Variants in MARK1 observed in about 807,000 individuals in gnomAD.
The protein encoded by MARK1 is serine/threonine-protein kinase MARK1.
MARK1 carries 40 observed loss-of-function variants against 96.3 expected under a neutral mutation model. The observed-to-expected ratio is 0.42, with a 90% confidence interval of 0.32 to 0.54. MARK1 has a LOEUF of 0.54. Among genes scored for constraint, MARK1 ranks in the 20% least tolerant of loss-of-function variants. The probability of loss-of-function intolerance (pLI) is 0.16; values close to 1 mark genes in which losing one functional copy is unlikely to be tolerated. For missense variants in MARK1, 719 were observed against 984.6 expected, an observed-to-expected ratio of 0.73 and a Z score of 3.61; for synonymous variants, 317 against 341.2, an observed-to-expected ratio of 0.93 and a Z score of 0.78.
intron 9 of MARK1, among the ~76,000 whole-genome samples, chr1:220,629,855 G>A (rs1010725999): frequency 6.6e-6 from 1 of 152,058 alleles, no homozygotes; most frequent in African/African-American, 2.4e-5. Context: ...TTTGTCAATG[G>A]ACATTTAGGT....
At chr1:220,589,639 A>T (rs1195328569) in intron 3 of MARK1, among the ~76,000 whole-genome samples, 2 of 152,194 alleles carry the variant, frequency 1.3e-5, no homozygotes, top group Non-Finnish European at 2.9e-5. Context: ...TTATTTTCCT[A>T]ATTTAACACA....
chr1:220,625,832 G>A (rs1013064266), intron 9 of MARK1: 2 of 462,322 alleles, frequency 4.3e-6, no homozygotes, highest in Non-Finnish European at 8.7e-6. Flanking sequence ...ATCCAATGAA[G>A]CCTCACCAAA....
At chr1:220,566,689 G>T (rs1249611627) in intron 1 of MARK1, among the ~76,000 whole-genome samples, 1 of 152,128 alleles carries the variant, frequency 6.6e-6, no homozygotes, top group African/African-American at 2.4e-5. Context: ...ATACATAGTA[G>T]ATATTTAGTT....
At chr1:220,586,009 A>ACGCGCGCGCGCG (rs66540247) in intron 3 of MARK1, among the ~76,000 whole-genome samples, 7 of 129,632 alleles carry the variant, frequency 5.4e-5, no homozygotes, top group African/African-American at 2.0e-4. Flanking sequence ...ACACACACAC[A>ACGCGCGCGCGCG]CACGCGCGCG....
At chr1:220,607,457 T>C (rs151043904) in intron 6 of MARK1, among the ~76,000 whole-genome samples, 4,790 of 152,280 alleles carry the variant, frequency 0.031, 105 homozygotes, top group Middle Eastern at 0.068. Context: ...TTTACAATCA[T>C]GTCATCTGCA....
At chr1:220,646,592 T>C (rs939900063) in intron 13 of MARK1, among the ~76,000 whole-genome samples, 1 of 152,154 alleles carries the variant, frequency 6.6e-6, no homozygotes, top group Non-Finnish European at 1.5e-5. Context: ...AGGGCTCGTA[T>C]AGCCAAGATA....
intron 3 of MARK1, among the ~76,000 whole-genome samples, chr1:220,596,841 T>C (rs1412373856): frequency 6.6e-6 from 1 of 152,168 alleles, no homozygotes; most frequent in African/African-American, 2.4e-5. Flanking sequence ...AGAAACTCTG[T>C]ACTCATTAAA....
At chr1:220,657,241 G>A (rs527757256) in intron 16 of MARK1, among the ~76,000 whole-genome samples, 1 of 152,238 alleles carries the variant, frequency 6.6e-6, no homozygotes, top group East Asian at 1.9e-4. Flanking sequence ...GATTGAATCC[G>A]TGTTTTTAGA....
chr1:220,632,135 A>AT, intron 10 of MARK1, 66 bp from the exon 11 acceptor site: 1 of 727,934 alleles, frequency 1.4e-6, no homozygotes, highest in Non-Finnish European at 2.1e-6. Context: ...AAACTTGCCC[A>AT]TTTTTGTTGA....
intron 1 of MARK1, among the ~76,000 whole-genome samples, chr1:220,542,291 T>A (rs767219954): frequency 6.6e-6 from 1 of 152,214 alleles, no homozygotes; most frequent in Non-Finnish European, 1.5e-5. Flanking sequence ...ATATAGTAAT[T>A]TGTTTCTGGT....
rs749814847 is a variant in MARK1, at chr1:220,635,491, T to G, written c.1238T>G (p.Ile413Ser). 2 of 1,612,010 alleles carry G rather than the reference T, an allele frequency of 1.2e-6. No individual in the cohort carries two copies. The highest frequency in any genetic ancestry group is 1.7e-6 in the Non-Finnish European group (2 of 1,179,554). ...SPAHLKVQRSISANQKQRRFS... is the reference protein window; with the variant it reads ...SPAHLKVQRSSSANQKQRRFS... ...GCTCACCTGAAGGTCCAGAGAAGTA[T>G]CTCAGCAAATCAGAAGCAGCGGCGT... Residue 413 changes from isoleucine (I) to serine (S), a missense_variant, in exon 12 of 18, where the codon ATC becomes AGC. This residue lies in a region of MARK1 where 501 missense variants were observed against 588.3 expected (regional missense o/e 0.85). Coordinates refer to ENST00000366917, the MANE Select transcript of MARK1 (RefSeq NM_018650.5).
intron 3 of MARK1, among the ~76,000 whole-genome samples, chr1:220,586,017 G>GCGCA (rs1399851903): frequency 1.7e-5 from 2 of 116,216 alleles, no homozygotes; most frequent in African/African-American, 2.8e-5. Flanking sequence ...ACACACGCGC[G>GCGCA]CGTGCGCAGA....
intron 1 of MARK1, among the ~76,000 whole-genome samples, chr1:220,556,097 A>G (rs1375789682): frequency 6.6e-6 from 1 of 152,184 alleles, no homozygotes; most frequent in African/African-American, 2.4e-5. Context: ...TGGGACATGT[A>G]GCTCTAACAC....
chr1:220,567,524 A>T (rs1373089308), intron 1 of MARK1, among the ~76,000 whole-genome samples: 17 of 152,298 alleles, frequency 1.1e-4, no homozygotes, highest in East Asian at 1.9e-4. Context: ...CGATTCCTGA[A>T]GAGATACCCG....
rs143752549 is a variant in MARK1, at chr1:220,586,166, A to G, written c.309+5048A>G. On this transcript the variant is annotated intron_variant, in intron 3 of 17. Transcript: ENST00000366917. ...TAGTCCAAAAATCAAATTCATTAAC[A>G]TGGTATAAAGGTCCTCACTTCCTTT... Among the ~76,000 whole-genome samples the G allele has an allele frequency of 2.9e-3, 445 of 152,300 alleles. 3 individuals are homozygous for G. The highest frequency in any genetic ancestry group is 0.02 in the Middle Eastern group (6 of 294).
intron 1 of MARK1, among the ~76,000 whole-genome samples, chr1:220,574,048 G>A (rs1663668017): frequency 6.6e-6 from 1 of 152,062 alleles, no homozygotes; most frequent in African/African-American, 2.4e-5. Flanking sequence ...GGTCATCTTG[G>A]GGTCTGTTTC....
At chr1:220,631,499 G>A (rs1027994402) in intron 10 of MARK1, among the ~76,000 whole-genome samples, 2 of 152,132 alleles carry the variant, frequency 1.3e-5, no homozygotes, top group Non-Finnish European at 2.9e-5. Context: ...TAGAGGCACC[G>A]AATTAAGAGT....
chr1:220,586,292 A>G (rs918868772), intron 3 of MARK1, among the ~76,000 whole-genome samples: 6 of 151,916 alleles, frequency 3.9e-5, no homozygotes, highest in African/African-American at 1.5e-4. Flanking sequence ...TTCATACTCT[A>G]TTCCAGTTAC....
At position 220,644,462 on chromosome 1, in the gene MARK1, C is replaced by CAA. The variant is rs1491252415; in HGVS notation, c.1471-6157_1471-6156insAA. Among the ~76,000 whole-genome samples the CAA allele has an allele frequency of 6.5e-5, 6 of 92,160 alleles. No individual in the cohort carries two copies. In the South Asian group the frequency reaches 2.2e-3, roughly 34 times the overall value. 60.5% of individuals were successfully genotyped at this position (92,160 alleles called of 152,430 possible). ...AAAGAGACTTAGACCCCCCCCCCCC[C>CAA]ACACACACACAATAATAGTGGAAGA... On this transcript the variant is annotated intron_variant, in intron 13 of 17. Transcript: ENST00000366917.
Sources: gnomAD v4.1 joint callset for allele counts (sites outside exome capture counted in the v4.1 genomes callset) on GRCh38, gnomAD v4.1.1 for gene constraint, gnomAD v4.1.1 regional missense constraint, MANE v1.5 for transcripts, NCBI Gene and HGNC (gene_info 2026-07-23, HGNC 2026-07-21) for gene names.